Variants in UTP4 observed in about 807,000 individuals in gnomAD.
UTP4 encodes the protein UTP4 small subunit processome component.
A neutral mutation model predicts 82.4 loss-of-function variants in UTP4; 45 were observed. The ratio of observed to expected loss-of-function variants is 0.55; its 90% CI spans 0.43 to 0.70. UTP4 has a LOEUF of 0.70. Ranked by LOEUF, UTP4 falls within the 30% of genes least tolerant of loss-of-function variation. The pLI is 0.00. For synonymous variants in UTP4, 348 were observed against 300.3 expected (o/e 1.16, Z -1.64); for missense variants, 819 against 858.3 (o/e 0.95, Z 0.57).
chr16:69,140,654 CAA>C (rs1001309715), intron 5 of UTP4, among the ~76,000 whole-genome samples: 1 of 151,348 alleles, frequency 6.6e-6, no homozygotes, highest in Non-Finnish European at 1.5e-5. Flanking sequence ...AGCCTGACAA[CAA>C]GAGTGAAACT....
At chr16:69,164,539 A>G (rs935704030) in intron 14 of UTP4, among the ~76,000 whole-genome samples, 4 of 149,454 alleles carry the variant, frequency 2.7e-5, no homozygotes, top group East Asian at 1.9e-4. Flanking sequence ...TAAAAATTTT[A>G]AAGTCCACAT....
At chr16:69,153,795 T>A in intron 9 of UTP4, 115 bp downstream of exon 9, 1 of 750,616 alleles carries the variant, frequency 1.3e-6, no homozygotes, top group Non-Finnish European at 2.4e-6. Flanking sequence ...GTGTCCATTT[T>A]AACTAATGGT....
chr16:69,145,152 T>C (rs1450452921), intron 6 of UTP4, among the ~76,000 whole-genome samples: 3 of 149,336 alleles, frequency 2.0e-5, no homozygotes, highest in South Asian at 2.1e-4. Flanking sequence ...CAAATAACAA[T>C]AATAATAATA....
At chr16:69,164,598 A>C (rs1263914106) in intron 14 of UTP4, among the ~76,000 whole-genome samples, 1 of 143,098 alleles carries the variant, frequency 7.0e-6, no homozygotes, top group Non-Finnish European at 1.5e-5. Flanking sequence ...ATATATATAT[A>C]TATATATATA....
Position 69,143,206 on chromosome 16 carries a change from C to T in UTP4, c.555C>T (p.Asp185=). ...SGSAVHKMIV[D]RQYMGVSKRK... ...GCGCTGTTCATAAGATGATTGTGGA[C>T]AGGCAGTATATGGGCGTGTCTAAGC... Residue 185 remains aspartate, a synonymous_variant, in exon 6 of 17, where the codon GAC becomes GAT. Coordinates refer to ENST00000314423, the MANE Select transcript of UTP4 (RefSeq NM_032830.3). The T allele has an allele frequency of 6.2e-7, 1 of 1,614,204 alleles. No individual in the cohort carries two copies. The highest frequency in any genetic ancestry group is 8.5e-7 in the Non-Finnish European group (1 of 1,180,018).
intron 13 of UTP4, among the ~76,000 whole-genome samples, chr16:69,161,787 C>G (rs566898045): frequency 8.5e-5 from 13 of 152,198 alleles, no homozygotes; most frequent in Non-Finnish European, 1.9e-4. Flanking sequence ...CCTCAGTGTC[C>G]TGAGTAGCTG....
intron 8 of UTP4, 139 bp from the exon 9 acceptor site, chr16:69,153,445 A>AT: frequency 1.4e-6 from 1 of 703,404 alleles, no homozygotes; most frequent in South Asian, 1.5e-5. Context: ...TGCCTGGCAT[A>AT]TGGGAGTACT....
At chr16:69,165,089 G>A (rs1266131755) in intron 14 of UTP4, among the ~76,000 whole-genome samples, 3 of 152,084 alleles carry the variant, frequency 2.0e-5, no homozygotes, top group Non-Finnish European at 4.4e-5. Flanking sequence ...CAGCTATTTG[G>A]GAGGCTGAGG....
intron 6 of UTP4, among the ~76,000 whole-genome samples, chr16:69,150,218 G>A (rs1202403714): frequency 6.6e-6 from 1 of 151,934 alleles, no homozygotes; most frequent in Non-Finnish European, 1.5e-5. Context: ...ATGTTCTTTC[G>A]AAGGATTTAA....
chr16:69,144,294 A>G (rs1335047886), intron 6 of UTP4, among the ~76,000 whole-genome samples: 1 of 151,742 alleles, frequency 6.6e-6, no homozygotes, highest in Non-Finnish European at 1.5e-5. Flanking sequence ...CTCTGCCTCC[A>G]GGGAGCAATT....
intron 2 of UTP4, among the ~76,000 whole-genome samples, chr16:69,135,246 A>G (rs1962781860): frequency 6.6e-6 from 1 of 152,232 alleles, no homozygotes; most frequent in African/African-American, 2.4e-5. Flanking sequence ...GGATAAGTCA[A>G]CCATTCCTTA....
At chr16:69,133,975 T>A (rs1411392507) in intron 2 of UTP4, among the ~76,000 whole-genome samples, 2 of 152,196 alleles carry the variant, frequency 1.3e-5, no homozygotes, top group African/African-American at 2.4e-5. Flanking sequence ...ACTGTTTCAT[T>A]GTCAATTCAG....
intron 14 of UTP4, among the ~76,000 whole-genome samples, chr16:69,163,879 A>AG (rs1433114818): frequency 7.4e-6 from 1 of 134,520 alleles, no homozygotes; most frequent in African/African-American, 3.0e-5. Flanking sequence ...TTTGATGGTC[A>AG]GTTTGTTTTT....
chr16:69,150,999 ATTTGTAGGAC>A (rs1963248082), intron 8 of UTP4, 95 bp downstream of exon 8: 2 of 948,846 alleles, frequency 2.1e-6, no homozygotes, highest in Non-Finnish European at 1.6e-6. Flanking sequence ...CGCTCGGCAA[ATTTGTAGGAC>A]TTTTTTTTTT....
intron 3 of UTP4, 131 bp from the exon 4 acceptor site, chr16:69,137,670 T>A: frequency 1.5e-6 from 1 of 659,676 alleles, no homozygotes; most frequent in Non-Finnish European, 2.7e-6. Flanking sequence ...TTTTTCTTTT[T>A]CACGGCAACT....
chr16:69,136,885 T>C lies in UTP4; in HGVS notation c.349T>C (p.Leu117=). Residue 117 remains leucine, a splice_region_variant and synonymous_variant, in exon 3 of 17, where the codon TTG becomes CTG. Coordinates refer to ENST00000314423, the MANE Select transcript of UTP4 (RefSeq NM_032830.3). ...MAASPSGSQL[L]VGCEDGSVKL... Reference sequence around the variant, plus strand: ...TGCCAGCCCCAGTGGCTCTCAACTTTTGGTTAGTAAGCAACTATTGGTAAT... The same window carrying C: ...TGCCAGCCCCAGTGGCTCTCAACTTCTGGTTAGTAAGCAACTATTGGTAAT... The C allele has an allele frequency of 6.2e-7, 1 of 1,614,144 alleles. No individual in the cohort carries two copies. Among genetic ancestry groups the C allele is most frequent in the Non-Finnish European group, 8.5e-7 (1 of 1,179,974 alleles).
chr16:69,159,524 C>T (rs1366998390), intron 12 of UTP4, among the ~76,000 whole-genome samples: 1 of 151,970 alleles, frequency 6.6e-6, no homozygotes, highest in Non-Finnish European at 1.5e-5. Flanking sequence ...CCCATCTCTA[C>T]TAAATATACA....
intron 8 of UTP4, among the ~76,000 whole-genome samples, chr16:69,152,640 T>C (rs1963305247): frequency 1.3e-5 from 2 of 151,842 alleles, no homozygotes; most frequent in African/African-American, 4.8e-5. Context: ...TAGGTAATTT[T>C]TTTTGTATTT....
At chr16:69,140,873 C>G (rs1238196086) in intron 5 of UTP4, among the ~76,000 whole-genome samples, 1 of 152,172 alleles carries the variant, frequency 6.6e-6, no homozygotes, top group East Asian at 1.9e-4. Context: ...ACTTGCCCCT[C>G]TTTTTCTACC....
Sources: allele counts gnomAD v4.1 joint callset (sites outside exome capture counted in the v4.1 genomes callset), GRCh38; gene constraint gnomAD v4.1.1; transcripts MANE v1.5; gene names NCBI Gene and HGNC (gene_info 2026-07-23, HGNC 2026-07-21).